ADAM12: variants seen among roughly 807,000 people sequenced by gnomAD.
ADAM12 encodes ADAM metallopeptidase domain 12, also known as disintegrin and metalloproteinase domain-containing protein 12.
In ADAM12, 70 loss-of-function variants were observed where a neutral mutation model predicts 106.4. The observed-to-expected ratio is 0.66, with a 90% CI of 0.54 to 0.80. ADAM12 has a LOEUF of 0.80. Among genes scored for constraint, ADAM12 ranks in the 30% least tolerant of loss-of-function variants. The probability of loss-of-function intolerance (pLI) is 0.00; values close to 1 mark genes in which losing one functional copy is unlikely to be tolerated. For missense variants in ADAM12, 1,010 were observed against 1,171.9 expected, an observed-to-expected ratio of 0.86 and a Z score of 2.02; for synonymous variants, 420 against 433.5, an observed-to-expected ratio of 0.97 and a Z score of 0.39.
At position 126,087,691 on chromosome 10, in the gene ADAM12, C is replaced by T. The variant is rs1020880621; in HGVS notation, c.1145+6294G>A. 6.6e-5 allele frequency among the ~76,000 whole-genome samples: 10 copies of T among 152,118 alleles called. No homozygotes were observed. In the East Asian group the frequency reaches 7.7e-4, roughly 12 times the overall value. The stretch of plus-strand genomic sequence containing the variant: ...TAATCTCCAACAGCACCCCAAAGTT[C>T]GAGGGAGAATTCTAACGATATGTAT... On this transcript the variant is annotated intron_variant, in intron 11 of 22. Coordinates refer to ENST00000448723, the MANE Select transcript of ADAM12 (RefSeq NM_001288973.2).
At chr10:126,126,730 G>T (rs982012020) in intron 5 of ADAM12, among the ~76,000 whole-genome samples, 3 of 152,072 alleles carry the variant, frequency 2.0e-5, no homozygotes, top group African/African-American at 7.2e-5. Flanking sequence ...AAATCTAAGA[G>T]GGGGGTTGAA....
chr10:126,355,787 G>A (rs1488551564), intron 1 of ADAM12, among the ~76,000 whole-genome samples: 4 of 152,230 alleles, frequency 2.6e-5, no homozygotes, highest in African/African-American at 7.2e-5. Flanking sequence ...AACAAAGCAA[G>A]GAGACAGGGC....
At chr10:126,337,401 C>G (rs937001396) in intron 1 of ADAM12, among the ~76,000 whole-genome samples, 3 of 152,164 alleles carry the variant, frequency 2.0e-5, no homozygotes, top group Admixed American at 2.0e-4. Context: ...TGGTGCAAGT[C>G]CCAGAGTCCA....
At chr10:126,145,434 T>G (rs1956608417) in intron 4 of ADAM12, 1 of 152,260 alleles carries the variant, frequency 6.6e-6, no homozygotes, top group African/African-American at 2.4e-5. Context: ...TAACCAAGAC[T>G]CAGTGTTTTG....
chr10:126,218,546 C>T (rs1368939305), intron 3 of ADAM12, among the ~76,000 whole-genome samples: 1 of 152,132 alleles, frequency 6.6e-6, no homozygotes, highest in Non-Finnish European at 1.5e-5. Flanking sequence ...CTGTGAGGTA[C>T]CCGAGGCAGA....
intron 11 of ADAM12, among the ~76,000 whole-genome samples, chr10:126,084,486 T>G (rs1290395474): frequency 6.6e-6 from 1 of 152,156 alleles, no homozygotes; most frequent in East Asian, 1.9e-4. Context: ...TAATGGACAG[T>G]GGGCATGTCT....
chr10:126,230,287 C>A (rs1958285020), intron 3 of ADAM12, among the ~76,000 whole-genome samples: 1 of 152,180 alleles, frequency 6.6e-6, no homozygotes, highest in South Asian at 2.1e-4. Context: ...ATATTTCCTG[C>A]AGCTAACACT....
rs534415979 is a variant in ADAM12 at position 126,341,838 on chromosome 10, T to G, written c.89-11329A>C. Reference sequence around the variant, plus strand: ...TGATGATTTGAATTTGAAATGTATTTTTTATAGACTCGGTTAGTTTTTGAA... The same window carrying G: ...TGATGATTTGAATTTGAAATGTATTGTTTATAGACTCGGTTAGTTTTTGAA... On this transcript the variant is annotated intron_variant, in intron 1 of 22. Transcript: ENST00000448723. Among the ~76,000 whole-genome samples the G allele has an allele frequency of 5.3e-5, 8 of 152,314 alleles. No individual in the cohort carries two copies. In the South Asian group the frequency reaches 1.7e-3, roughly 32 times the overall value.
intron 2 of ADAM12, among the ~76,000 whole-genome samples, chr10:126,323,052 C>A (rs1271328824): frequency 1.3e-5 from 2 of 152,092 alleles, no homozygotes; most frequent in African/African-American, 4.8e-5. Flanking sequence ...ACCCAGGAAC[C>A]CAGAGAGTCT....
chr10:126,200,322 G>A (rs1957675101), intron 3 of ADAM12, among the ~76,000 whole-genome samples: 1 of 152,176 alleles, frequency 6.6e-6, no homozygotes, highest in African/African-American at 2.4e-5. Context: ...CCATGACATT[G>A]ATCCCCAAAC....
At position 126,388,385 on chromosome 10, in the gene ADAM12, G is replaced by C. The variant is rs995442658; in HGVS notation, c.-240C>G. On this transcript the variant is annotated 5_prime_UTR_variant, in exon 1 of 23. Transcript: ENST00000448723. The surrounding 1 kb of genome is among the most constrained non-coding windows in gnomAD (Gnocchi z 4.4). ...GCGCGCGCGCGCCGTTCTGGCACAA[G>C]CCAGCCTTGACCGTTGCAATAAATG... is the stretch of plus-strand genomic sequence containing the variant. 3 of 408,916 alleles carry C rather than the reference G, an allele frequency of 7.3e-6. No homozygotes were observed. Among genetic ancestry groups the C allele is most frequent in the East Asian group, 9.6e-5 (2 of 20,802 alleles). The allele number at this position is 408,916 out of a possible 1,614,324, so 25.3% of individuals were successfully genotyped here. A position where few individuals can be genotyped will look rare whatever the true frequency, so the allele number is the denominator to read the frequency against.
At chr10:126,237,533 T>C (rs1958442388) in intron 3 of ADAM12, among the ~76,000 whole-genome samples, 1 of 152,236 alleles carries the variant, frequency 6.6e-6, no homozygotes, top group African/African-American at 2.4e-5. Context: ...AGTTCTGCTT[T>C]CAAAACATTT....
intron 1 of ADAM12, among the ~76,000 whole-genome samples, chr10:126,343,676 C>A (rs1174817710): frequency 1.3e-5 from 2 of 152,178 alleles, no homozygotes; most frequent in Non-Finnish European, 2.9e-5. Flanking sequence ...TTCTCCAGAT[C>A]CTCTCCAGCA....
intron 3 of ADAM12, among the ~76,000 whole-genome samples, chr10:126,272,411 A>C (rs1185277011): frequency 6.6e-6 from 1 of 152,228 alleles, no homozygotes; most frequent in Non-Finnish European, 1.5e-5. Context: ...AGAAGAGCTG[A>C]CAATTGTTGA....
chr10:126,292,948 A>C (rs1960220217), intron 2 of ADAM12, among the ~76,000 whole-genome samples: 1 of 152,244 alleles, frequency 6.6e-6, no homozygotes, highest in South Asian at 2.1e-4. Flanking sequence ...CGCCCACCTC[A>C]AGTTTCCAAT....
At chr10:126,104,728 TGGG>T (rs931264167) in intron 8 of ADAM12, among the ~76,000 whole-genome samples, 3 of 152,234 alleles carry the variant, frequency 2.0e-5, no homozygotes, top group Middle Eastern at 3.4e-3. Context: ...GTTTTGCTCA[TGGG>T]GGGATTTCCT....
At chr10:126,256,664 G>A in intron 3 of ADAM12, among the ~76,000 whole-genome samples, 1 of 152,178 alleles carries the variant, frequency 6.6e-6, no homozygotes, top group African/African-American at 2.4e-5. Context: ...CAATAGCCCA[G>A]TGCAGAGAAG....
chr10:126,014,960 T>A lies in ADAM12; in HGVS notation c.*2319A>T, dbSNP rs887047495. The A allele has an allele frequency of 1.4e-4, 21 of 152,214 alleles. No individual in the cohort carries two copies. The highest frequency in any genetic ancestry group is 2.6e-4 in the Non-Finnish European group (18 of 68,038). 9.4% of individuals were successfully genotyped at this position (152,214 alleles called of 1,614,324 possible). A position where few individuals can be genotyped will look rare whatever the true frequency, so the allele number is the denominator to read the frequency against. ...ACCCTGGTTATTGGTTCCTAAGTTATGTTAAAATGGAATTTGCTGCTAAAT... is the reference window on the plus strand; with the variant it reads ...ACCCTGGTTATTGGTTCCTAAGTTAAGTTAAAATGGAATTTGCTGCTAAAT... On this transcript the variant is annotated 3_prime_UTR_variant, in exon 23 of 23. Transcript: ENST00000448723.
At chr10:126,336,281 A>C (rs1854696981) in intron 1 of ADAM12, among the ~76,000 whole-genome samples, 1 of 152,200 alleles carries the variant, frequency 6.6e-6, no homozygotes, top group African/African-American at 2.4e-5. Context: ...GTCTACTAAG[A>C]ATAATTTTTA....
Sources: gnomAD v4.1 joint callset for allele counts (sites outside exome capture counted in the v4.1 genomes callset) on GRCh38, gnomAD v4.1.1 for gene constraint, Gnocchi (gnomAD v3.1) non-coding constraint, MANE v1.5 for transcripts, NCBI Gene and HGNC (gene_info 2026-07-23, HGNC 2026-07-21) for gene names.